DDX17: variants seen among roughly 807,000 people sequenced by gnomAD.
The protein encoded by DDX17 is DEAD-box helicase 17.
DDX17 carries 10 observed loss-of-function variants against 80.8 expected under a neutral mutation model. The ratio of observed to expected loss-of-function variants is 0.12; its 90% CI spans 0.08 to 0.21. The LOEUF is 0.21. Ranked by LOEUF, DDX17 falls within the 10% of genes least tolerant of loss-of-function variation. DDX17 has a pLI of 1.00. For missense variants in DDX17, 586 were observed against 957.4 expected (o/e 0.61, Z 5.12); for synonymous variants, 339 against 336.2 (o/e 1.01, Z -0.09).
In DDX17 at chr22:38,487,810, AAAGC is replaced by A. The variant is rs1239313361; in HGVS notation, c.1684+65_1684+68del. ...ACAGCCTTCTTAAAAACAGCAACTA[AAAGC>A]AAGTCACAGAAGGCGTAAAGAGATA... On this transcript the variant is annotated intron_variant, in intron 12 of 12. Transcript: ENST00000403230. The A allele has an allele frequency of 1.1e-5, 17 of 1,551,474 alleles. No homozygotes were observed. In the African/African-American group the frequency reaches 2.2e-4, roughly 20 times the overall value.
rs539664207 is a variant in DDX17, at chr22:38,499,777, C to G, written c.439-278G>C. ...GAATGAGAAGGAAAAAAAAGTGGAA[C>G]TTGGACCCAAGTACTCTTTCCATTA... On this transcript the variant is annotated intron_variant, in intron 2 of 12. Coordinates refer to ENST00000403230, the MANE Select transcript of DDX17 (RefSeq NM_006386.5). Among the ~76,000 whole-genome samples the G allele has an allele frequency of 2.6e-5, 4 of 152,236 alleles. No individual in the cohort carries two copies. In the East Asian group the frequency reaches 5.8e-4, roughly 22 times the overall value.
At chr22:38,504,518 T>C (rs1040048839) in intron 1 of DDX17, among the ~76,000 whole-genome samples, 2 of 152,174 alleles carry the variant, frequency 1.3e-5, no homozygotes, top group African/African-American at 4.8e-5. Flanking sequence ...TCTAAGTCAA[T>C]GAACTGAAAT....
intron 5 of DDX17, 97 bp from the exon 6 acceptor site, chr22:38,496,034 T>C (rs1190864602): frequency 4.2e-6 from 5 of 1,178,512 alleles, no homozygotes; most frequent in Admixed American, 3.2e-5. Context: ...ATTTAATTCT[T>C]TGCTGTCTAA....
chr22:38,501,412 C>T, intron 1 of DDX17, 132 bp from the exon 2 acceptor site: 2 of 1,114,464 alleles, frequency 1.8e-6, no homozygotes, highest in Non-Finnish European at 2.5e-6. Context: ...ATTTTATTTG[C>T]TGTGATTTAA....
intron 12 of DDX17, among the ~76,000 whole-genome samples, chr22:38,487,257 G>A (rs193238121): frequency 6.6e-6 from 1 of 152,122 alleles, no homozygotes; most frequent in African/African-American, 2.4e-5. Context: ...CACTTTGGGA[G>A]GCCAAGACAG....
intron 1 of DDX17, among the ~76,000 whole-genome samples, chr22:38,504,304 T>C (rs185932647): frequency 6.0e-4 from 91 of 152,354 alleles, no homozygotes; most frequent in Non-Finnish European, 7.6e-4. Context: ...GCTGATTCAA[T>C]TGTACGAATA....
At position 38,489,436 on chromosome 22, in the gene DDX17, T is replaced by G; in HGVS notation, c.1448-1321A>C. The G allele has an allele frequency of 2.0e-6, 2 of 985,740 alleles. No homozygotes were observed. The highest frequency in any genetic ancestry group is 2.4e-6 in the Non-Finnish European group (2 of 829,928). The allele number at this position is 985,740 out of a possible 1,614,324, so 61.1% of individuals were successfully genotyped here. ...CTTAGATGCTTCTCTGTAGCCCCAT[T>G]TGGTTGCCAAGCGCCGGAGAACCTG... On this transcript the variant is annotated intron_variant, in intron 11 of 12. Transcript: ENST00000403230. This position sits in a 1 kb window ranked among gnomAD's most constrained non-coding sequence, Gnocchi z 4.6.
At chr22:38,493,838 C>A in intron 9 of DDX17, 67 bp from the exon 10 acceptor site, 1 of 1,488,484 alleles carries the variant, frequency 6.7e-7, no homozygotes, top group Non-Finnish European at 9.4e-7. Context: ...ACTTTAAAGC[C>A]AAATGCTATC....
rs909771072 is a variant in DDX17 at position 38,489,258 on chromosome 22, C to T, written c.1448-1143G>A. On this transcript the variant is annotated intron_variant, in intron 11 of 12. Transcript: ENST00000403230. This position sits in a 1 kb window ranked among gnomAD's most constrained non-coding sequence, Gnocchi z 4.6. ...CACACTCCCTCCTCCTTTGGGAAACCGCTGCAGCCGATCCCGTCTCTTTGC... is the reference window on the plus strand; with the variant it reads ...CACACTCCCTCCTCCTTTGGGAAACTGCTGCAGCCGATCCCGTCTCTTTGC... 10 of 985,632 alleles carry T rather than the reference C, an allele frequency of 1.0e-5. No individual in the cohort carries two copies. Among genetic ancestry groups the T allele is most frequent in the Admixed American group, 6.2e-5 (1 of 16,256 alleles). 61.1% of individuals were successfully genotyped at this position (985,632 alleles called of 1,614,324 possible).
intron 12 of DDX17, 59 bp from the exon 13 acceptor site, chr22:38,486,499 G>C (rs1241044478): frequency 6.8e-7 from 1 of 1,476,090 alleles, no homozygotes; most frequent in Non-Finnish European, 9.0e-7. Context: ...ACATAACAAT[G>C]TAAAAATTCT....
intron 5 of DDX17, among the ~76,000 whole-genome samples, chr22:38,496,926 ATTAT>A (rs1283676249): frequency 3.3e-5 from 5 of 152,214 alleles, no homozygotes; most frequent in African/African-American, 1.2e-4. Flanking sequence ...TAAGTACTGC[ATTAT>A]TTCTTTTTGT....
At chr22:38,501,730 G>A (rs1236916121) in intron 1 of DDX17, among the ~76,000 whole-genome samples, 3 of 152,188 alleles carry the variant, frequency 2.0e-5, no homozygotes, top group Non-Finnish European at 4.4e-5. Flanking sequence ...AAAGTATCTG[G>A]CATAGCCAGC....
intron 1 of DDX17, among the ~76,000 whole-genome samples, chr22:38,502,777 C>A (rs1448707567): frequency 6.6e-6 from 1 of 152,172 alleles, no homozygotes; most frequent in Admixed American, 6.5e-5. Flanking sequence ...AACTGTATAG[C>A]ATTTTCTCAG....
At position 38,486,197 on chromosome 22, in the gene DDX17, G is replaced by A. The variant is rs753568339; in HGVS notation, c.1928C>T (p.Ala643Val). 6 of 1,614,030 alleles carry A rather than the reference G, an allele frequency of 3.7e-6. No individual in the cohort carries two copies. In the South Asian group the frequency reaches 5.5e-5, roughly 15 times the overall value. ...TGTATAGCTACTGGTGCCATAAGCA[G>A]CTGCCCCATAGGTGCCTTGACCATA... is the stretch of plus-strand genomic sequence containing the variant. Residue 643 changes from alanine to valine, a missense_variant, in exon 13 of 13, where the codon GCT (alanine) becomes GTT (valine). Around this residue, in one of 4 missense-constraint regions of DDX17, gnomAD observed 221 missense variants for 261.4 expected, o/e 0.85. Transcript: ENST00000403230.
At position 38,506,302 on chromosome 22, in the gene DDX17, A is replaced by C. The variant is rs2089884306; in HGVS notation, c.-65T>G. The C allele has an allele frequency of 2.0e-6, 3 of 1,480,024 alleles. No homozygotes were observed. Among genetic ancestry groups the C allele is most frequent in the African/African-American group, 2.9e-5 (2 of 68,854 alleles). The allele number at this position is 1,480,024 out of a possible 1,614,324, so 91.7% of individuals were successfully genotyped here. A position where few individuals can be genotyped will look rare whatever the true frequency, so the allele number is the denominator to read the frequency against. The stretch of plus-strand genomic sequence containing the variant: ...CGTCTCCTTCCTTCCCAGCGACTGC[A>C]CAAAATGGCGGCCGCCGCTGAGTCG... On this transcript the variant is annotated 5_prime_UTR_variant, in exon 1 of 13. Transcript: ENST00000403230.
chr22:38,488,939 C>T lies in DDX17; in HGVS notation c.1448-824G>A, dbSNP rs537797863. The T allele has an allele frequency of 1.2e-5, 12 of 985,336 alleles. No homozygotes were observed. The African/African-American group carries it at 1.4e-4, about 11-fold the overall frequency. The allele number at this position is 985,336 out of a possible 1,614,324, so 61.0% of individuals were successfully genotyped here. On this transcript the variant is annotated intron_variant, in intron 11 of 12. Transcript: ENST00000403230. ...GGAAATTAAATTAATAGCCAAAGAA[C>T]GTGGGAAAACCATGAAACCTTGAGA...
At chr22:38,500,270 T>C (rs1026876945) in intron 2 of DDX17, among the ~76,000 whole-genome samples, 4 of 151,916 alleles carry the variant, frequency 2.6e-5, no homozygotes, top group African/African-American at 9.7e-5. Flanking sequence ...AACAGATTAG[T>C]AAGCATTATC....
Position 38,484,542 on chromosome 22 carries a change from C to G in DDX17, c.*1393G>C, listed in dbSNP as rs1459475955. 2.0e-5 allele frequency: 3 copies of G among 152,228 alleles called. No homozygotes were observed. Among genetic ancestry groups the G allele is most frequent in the African/African-American group, 7.2e-5 (3 of 41,448 alleles). 9.4% of individuals were successfully genotyped at this position (152,228 alleles called of 1,614,324 possible). A position where few individuals can be genotyped will look rare whatever the true frequency, so the allele number is the denominator to read the frequency against. ...ATTGTGAATGAATACCAATTAACAG[C>G]ATAAAAATTAATAGTCCCATATCAG... On this transcript the variant is annotated 3_prime_UTR_variant, in exon 13 of 13. Coordinates refer to ENST00000403230, the MANE Select transcript of DDX17 (RefSeq NM_006386.5).
intron 8 of DDX17, 89 bp from the exon 9 acceptor site, chr22:38,494,220 ACTTT>A: frequency 1.1e-6 from 1 of 899,146 alleles, no homozygotes; most frequent in Non-Finnish European, 1.8e-6. Context: ...AGGCTACAGT[ACTTT>A]CTTTGCACAT....
Sources: allele counts gnomAD v4.1 joint callset (sites outside exome capture counted in the v4.1 genomes callset), GRCh38; gene constraint gnomAD v4.1.1; regional missense constraint gnomAD v4.1.1; non-coding constraint Gnocchi (gnomAD v3.1); transcripts MANE v1.5; gene names NCBI Gene and HGNC (gene_info 2026-07-23, HGNC 2026-07-21).